RBM46: variants seen among roughly 807,000 people sequenced by gnomAD.
The protein encoded by RBM46 is RNA binding motif protein 46, also known as probable RNA-binding protein 46.
A neutral mutation model predicts 43.3 loss-of-function variants in RBM46; 12 were observed. The ratio of observed to expected loss-of-function variants is 0.28; its 90% CI spans 0.18 to 0.45. The LOEUF is 0.45. Ranked by LOEUF, RBM46 falls within the 20% of genes least tolerant of loss-of-function variation. RBM46 has a pLI of 1.00. For synonymous variants in RBM46, 205 were observed against 207.6 expected (o/e 0.99, Z 0.11); for missense variants, 412 against 639.1 (o/e 0.64, Z 3.83).
chr4:154,826,670 T>G (rs1197638784), intron 4 of RBM46: 2 of 727,784 alleles, frequency 2.7e-6, no homozygotes, highest in Non-Finnish European at 4.5e-6. Context: ...AAAAAGGTTA[T>G]AAAATTAGTT....
intron 4 of RBM46, among the ~76,000 whole-genome samples, chr4:154,822,564 A>G (rs1264402250): frequency 2.0e-5 from 3 of 151,540 alleles, no homozygotes; most frequent in Non-Finnish European, 4.4e-5. Context: ...ATAGTAGTAT[A>G]GCTTAAAAAA....
intron 4 of RBM46, among the ~76,000 whole-genome samples, chr4:154,813,530 TATA>T (rs1201405135): frequency 1.3e-5 from 2 of 152,102 alleles, no homozygotes; most frequent in African/African-American, 4.8e-5. Context: ...CAGTATAGAA[TATA>T]ATGATTTATG....
chr4:154,795,590 C>T (rs917217667), intron 1 of RBM46, among the ~76,000 whole-genome samples: 1 of 151,980 alleles, frequency 6.6e-6, no homozygotes, highest in African/African-American at 2.4e-5. Flanking sequence ...GCCTCAAACT[C>T]CCAGGTACCT....
chr4:154,808,157 C>G (rs1007882612), intron 4 of RBM46, among the ~76,000 whole-genome samples: 9 of 151,864 alleles, frequency 5.9e-5, no homozygotes, highest in Non-Finnish European at 1.2e-4. Flanking sequence ...GGTTTTTGTA[C>G]TTTGTTACTA....
chr4:154,807,606 C>T (rs535925975), intron 4 of RBM46, among the ~76,000 whole-genome samples: 1 of 151,920 alleles, frequency 6.6e-6, no homozygotes, highest in South Asian at 2.1e-4. Context: ...AACATAGTAT[C>T]TGCCCTTACT....
At chr4:154,806,911 A>T (rs1295956631) in intron 4 of RBM46, among the ~76,000 whole-genome samples, 1 of 151,786 alleles carries the variant, frequency 6.6e-6, no homozygotes, top group Non-Finnish European at 1.5e-5. Flanking sequence ...TTATTAACTG[A>T]TGAAGGTGAT....
intron 4 of RBM46, chr4:154,826,911 A>C: frequency 7.3e-7 from 1 of 1,374,116 alleles, no homozygotes; most frequent in Admixed American, 3.4e-5. Flanking sequence ...TATAGAAAAA[A>C]ACCTTACCTG....
rs572233248 is a variant in RBM46, at chr4:154,786,547, T to G, written c.-12+5111T>G. On this transcript the variant is annotated intron_variant, in intron 1 of 4. Coordinates refer to ENST00000281722, the MANE Select transcript of RBM46 (RefSeq NM_144979.5). ...AAGCTGATAATACAGACATAAGACT[T>G]TTCCCTTGATAAAAATTATTGTCTA... is the stretch of plus-strand genomic sequence containing the variant. Among the ~76,000 whole-genome samples the G allele has an allele frequency of 2.6e-5, 4 of 152,274 alleles. No homozygotes were observed. The South Asian group carries it at 6.2e-4, about 24-fold the overall frequency.
intron 1 of RBM46, among the ~76,000 whole-genome samples, chr4:154,783,932 AGAAGT>A (rs1235542945): frequency 5.3e-5 from 8 of 152,190 alleles, no homozygotes; most frequent in African/African-American, 1.9e-4. Context: ...TCCAAGAACG[AGAAGT>A]GTAGTGGCTG....
chr4:154,782,499 T>A (rs961160781), intron 1 of RBM46, among the ~76,000 whole-genome samples: 4 of 152,248 alleles, frequency 2.6e-5, no homozygotes, highest in African/African-American at 4.8e-5. Context: ...TTTGTTTTGT[T>A]TTGAGACGGA....
In RBM46 at chr4:154,799,558, C is replaced by A. The variant is rs1226507064; in HGVS notation, c.1396C>A (p.His466Asn). The part of the protein sequence containing the change: ...KELAAQFTLL[H>N]LDYNFHRSSI... ...ACTGGCAGCCCAGTTTACATTACTTCATTTGGGTAAGTTTAAAAATACTTT... is the reference window on the plus strand; with the variant it reads ...ACTGGCAGCCCAGTTTACATTACTTAATTTGGGTAAGTTTAAAAATACTTT... Residue 466 changes from histidine (H) to asparagine (N), a missense_variant, in exon 4 of 5, where the codon CAT becomes AAT. Physicochemically the swap from His to Asn is moderately conservative, Grantham distance 68. Around this residue, in one of 8 missense-constraint regions of RBM46, gnomAD observed 149 missense variants for 156.3 expected, o/e 0.95. Transcript: ENST00000281722. The A allele has an allele frequency of 7.8e-6, 12 of 1,534,242 alleles. No homozygotes were observed. The highest frequency in any genetic ancestry group is 1.4e-5 in the African/African-American group (1 of 71,916).
intron 1 of RBM46, among the ~76,000 whole-genome samples, chr4:154,782,623 C>T (rs970227473): frequency 1.3e-5 from 2 of 152,106 alleles, no homozygotes; most frequent in Non-Finnish European, 2.9e-5. Context: ...GTAGCTGGGA[C>T]TACAGGCGCG....
chr4:154,826,601 T>C lies in RBM46; in HGVS notation c.1403-1267T>C, dbSNP rs1181923815. Among the ~76,000 whole-genome samples the C allele has an allele frequency of 1.6e-4, 24 of 152,218 alleles. No individual in the cohort carries two copies. The South Asian group carries it at 5.0e-3, about 31-fold the overall frequency. On this transcript the variant is annotated intron_variant, in intron 4 of 4. Coordinates refer to ENST00000281722, the MANE Select transcript of RBM46 (RefSeq NM_144979.5). ...TGAAAATATTTGGAACTGGTTACTT[T>C]AAATGTATTTATGTCTTCCTGGAAC... is the stretch of plus-strand genomic sequence containing the variant.
chr4:154,808,126 AG>A (rs771067102), intron 4 of RBM46, among the ~76,000 whole-genome samples: 1 of 152,002 alleles, frequency 6.6e-6, no homozygotes, highest in Non-Finnish European at 1.5e-5. Context: ...TCTCTTAAAC[AG>A]TTGTATTGCC....
chr4:154,820,551 T>G (rs1735676702), intron 4 of RBM46: 2 of 512,954 alleles, frequency 3.9e-6, no homozygotes, highest in Admixed American at 3.8e-5. Context: ...TATAATAGCC[T>G]TGTTAATTAT....
intron 4 of RBM46, among the ~76,000 whole-genome samples, chr4:154,804,912 C>T (rs1734838343): frequency 7.3e-6 from 1 of 136,208 alleles, no homozygotes; most frequent in Non-Finnish European, 1.6e-5. Context: ...ATAAATAAAA[C>T]ATTGTTTTTT....
chr4:154,827,352 A>G, intron 4 of RBM46: 1 of 975,490 alleles, frequency 1.0e-6, no homozygotes, highest in Non-Finnish European at 1.2e-6. Flanking sequence ...TGAGTTAGAT[A>G]AGTGTTTATA....
chr4:154,805,845 GTTATAAA>G (rs369412759), intron 4 of RBM46, among the ~76,000 whole-genome samples: 1 of 151,864 alleles, frequency 6.6e-6, no homozygotes. Flanking sequence ...TTATAATGGA[GTTATAAA>G]TTATAAATAG....
intron 4 of RBM46, among the ~76,000 whole-genome samples, chr4:154,817,331 CTTTTTTT>C (rs58860836): frequency 7.9e-6 from 1 of 126,418 alleles, no homozygotes. Flanking sequence ...TTTTCTCTTT[CTTTTTTT>C]TTTTTTTTTT....
Sources: gnomAD v4.1 joint callset for allele counts (sites outside exome capture counted in the v4.1 genomes callset) on GRCh38, gnomAD v4.1.1 for gene constraint, gnomAD v4.1.1 regional missense constraint, MANE v1.5 for transcripts, NCBI Gene and HGNC (gene_info 2026-07-23, HGNC 2026-07-21) for gene names.